NUP155: variants seen among roughly 807,000 people sequenced by gnomAD.
NUP155 encodes nuclear pore complex protein Nup155.
NUP155 carries 71 observed loss-of-function variants against 180.4 expected under a neutral mutation model. That is an observed-to-expected ratio of 0.39 (90% confidence interval 0.33 to 0.48). The LOEUF (loss-of-function observed/expected upper bound fraction) is 0.48. Among genes scored for constraint, NUP155 ranks in the 20% least tolerant of loss-of-function variants. The probability of loss-of-function intolerance (pLI) is 0.91; values close to 1 mark genes in which losing one functional copy is unlikely to be tolerated. For missense variants in NUP155, 1,553 were observed against 1,648.9 expected (o/e 0.94, Z 1.01); for synonymous variants, 582 against 559.5 (o/e 1.04, Z -0.57).
intron 20 of NUP155, among the ~76,000 whole-genome samples, chr5:37,321,477 G>A (rs2150958287): frequency 6.6e-6 from 1 of 152,322 alleles, no homozygotes; most frequent in South Asian, 2.1e-4. Context: ...CCAGCACTTT[G>A]GGAGGCTGAG....
intron 4 of NUP155, among the ~76,000 whole-genome samples, chr5:37,357,003 A>G (rs543988602): frequency 1.3e-5 from 2 of 152,258 alleles, no homozygotes; most frequent in Admixed American, 1.3e-4. Flanking sequence ...GCTACTTGGA[A>G]GGCTGAGGCA....
intron 16 of NUP155, 89 bp downstream of exon 16, chr5:37,329,101 T>C: frequency 2.2e-6 from 2 of 889,902 alleles, no homozygotes; most frequent in South Asian, 1.4e-5. Context: ...AAATAAAACA[T>C]AATGAAAAGG....
Position 37,290,661 on chromosome 5 carries a change from T to C in NUP155, c.*1239A>G, listed in dbSNP as rs1473322040. 6.6e-6 allele frequency: 1 copy of C among 152,124 alleles called. No homozygotes were observed. Among genetic ancestry groups the C allele is most frequent in the Non-Finnish European group, 1.5e-5 (1 of 68,032 alleles). 9.4% of individuals were successfully genotyped at this position (152,124 alleles called of 1,614,324 possible). A position where few individuals can be genotyped will look rare whatever the true frequency, so the allele number is the denominator to read the frequency against. The stretch of plus-strand genomic sequence containing the variant: ...ATATATTGTGTGCCTTGGGCAAAAT[T>C]TGTGTGTGTGGTTATTCACAGAGGA... On this transcript the variant is annotated 3_prime_UTR_variant, in exon 35 of 35. Transcript: ENST00000231498.
chr5:37,314,429 TC>T (rs1213565278), intron 21 of NUP155, 101 bp from the exon 22 acceptor site: 5 of 880,420 alleles, frequency 5.7e-6, no homozygotes, highest in Non-Finnish European at 9.0e-6. Context: ...GTTGTTTTCT[TC>T]CTAGCCCCCA....
intron 1 of NUP155, among the ~76,000 whole-genome samples, chr5:37,367,555 C>T (rs1397303157): frequency 1.4e-5 from 2 of 144,830 alleles, no homozygotes; most frequent in Non-Finnish European, 3.0e-5. Flanking sequence ...TTTTTTGAGA[C>T]GGAGTCTCAC....
intron 3 of NUP155, among the ~76,000 whole-genome samples, chr5:37,361,407 GAAAA>G (rs894475417): frequency 4.6e-5 from 7 of 151,618 alleles, no homozygotes; most frequent in Admixed American, 3.9e-4. Context: ...ACAAGAAGCA[GAAAA>G]AATACCACGA....
intron 2 of NUP155, 66 bp from the exon 3 acceptor site, chr5:37,364,050 C>T: frequency 7.6e-7 from 1 of 1,312,374 alleles, no homozygotes; most frequent in African/African-American, 1.4e-5. Context: ...GTTTCAATAG[C>T]TTTTGACTTA....
chr5:37,309,271 G>A lies in NUP155; in HGVS notation c.2629-4C>T. 1.2e-6 allele frequency: 1 copy of A among 819,888 alleles called. No homozygotes were observed. The highest frequency in any genetic ancestry group is 2.6e-5 in the South Asian group (1 of 38,236). 50.8% of individuals were successfully genotyped at this position (819,888 alleles called of 1,614,324 possible). A position where few individuals can be genotyped will look rare whatever the true frequency, so the allele number is the denominator to read the frequency against. The stretch of plus-strand genomic sequence containing the variant: ...AACGCTGGAGAAGCTCATTTGCCTA[G>A]AAGAGGAGATAACAAGAACTTAAAA... On this transcript the variant is annotated splice_region_variant and splice_polypyrimidine_tract_variant and intron_variant, in intron 23 of 34. Transcript: ENST00000231498.
chr5:37,361,285 A>C (rs10059583), intron 3 of NUP155, among the ~76,000 whole-genome samples: 3 of 141,470 alleles, frequency 2.1e-5, no homozygotes, highest in African/African-American at 3.0e-5. Context: ...AAAAAAAAAA[A>C]GACAATGGCT....
At chr5:37,317,864 A>T in intron 21 of NUP155, 124 bp downstream of exon 21, 1 of 745,492 alleles carries the variant, frequency 1.3e-6, no homozygotes, top group Non-Finnish European at 2.4e-6. Flanking sequence ...AATTACACTG[A>T]TATTTTAATT....
At chr5:37,296,051 G>A (rs1742541482) in intron 32 of NUP155, among the ~76,000 whole-genome samples, 1 of 145,968 alleles carries the variant, frequency 6.9e-6, no homozygotes, top group Non-Finnish European at 1.5e-5. Flanking sequence ...CGGGAGGGAG[G>A]TGGGGGGGTC....
At chr5:37,353,462 G>A (rs1364885243) in intron 4 of NUP155, among the ~76,000 whole-genome samples, 2 of 151,908 alleles carry the variant, frequency 1.3e-5, no homozygotes, top group African/African-American at 4.8e-5. Context: ...CGTGCCTGTA[G>A]TACCAGCTAC....
intron 1 of NUP155, among the ~76,000 whole-genome samples, chr5:37,369,051 G>A (rs1474444327): frequency 1.3e-5 from 2 of 152,158 alleles, no homozygotes; most frequent in African/African-American, 4.8e-5. Context: ...CCAGGAATTT[G>A]AGACCAGCCT....
chr5:37,348,086 A>G (rs1291690300), intron 9 of NUP155, among the ~76,000 whole-genome samples: 2 of 152,114 alleles, frequency 1.3e-5, no homozygotes, highest in East Asian at 3.9e-4. Context: ...GTGAGCAGAG[A>G]TAGCACCACT....
At position 37,354,570 on chromosome 5, in the gene NUP155, C is replaced by T. The variant is rs540877717; in HGVS notation, c.464-1741G>A. On this transcript the variant is annotated intron_variant, in intron 4 of 34. Transcript: ENST00000231498. ...TCCTCCTATGCTCAAGCGATCCTCCCGCTTCAGCCTCATGAATAGCTGGGA... is the reference window on the plus strand; with the variant it reads ...TCCTCCTATGCTCAAGCGATCCTCCTGCTTCAGCCTCATGAATAGCTGGGA... Among the ~76,000 whole-genome samples the T allele has an allele frequency of 6.6e-5, 10 of 151,424 alleles. No homozygotes were observed. In the East Asian group the frequency reaches 7.9e-4, roughly 12 times the overall value.
chr5:37,348,851 G>T (rs755880370), intron 8 of NUP155, among the ~76,000 whole-genome samples: 9 of 151,952 alleles, frequency 5.9e-5, no homozygotes, highest in Non-Finnish European at 1.2e-4. Context: ...CGCCGCCCAG[G>T]TTCAAATGAT....
In NUP155 at chr5:37,309,226, C is replaced by G. The variant is rs963265696; in HGVS notation, c.2670G>C (p.Lys890Asn). Reference sequence around the variant, plus strand: ...CCCTTAACATTCTTTCTTTTTCAGTCTTATTTTGAACTTGTCGGGAACGCT... The same window carrying G: ...CCCTTAACATTCTTTCTTTTTCAGTGTTATTTTGAACTTGTCGGGAACGCT... ...LLQRSRQVQN[K>N]TEKERMLRES... is the part of the protein sequence containing the mutation. Residue 890 changes from lysine to asparagine, a missense_variant, in exon 24 of 35, where the codon AAG becomes AAC. Transcript: ENST00000231498. The G allele has an allele frequency of 1.2e-6, 2 of 1,613,248 alleles. No individual in the cohort carries two copies. Among genetic ancestry groups the G allele is most frequent in the Non-Finnish European group, 1.7e-6 (2 of 1,179,798 alleles).
rs572918701 is a variant in NUP155, at chr5:37,309,613, A to C, written c.2629-346T>G. Reference sequence around the variant, plus strand: ...AATAAAAATGCCCCCATTAACTCTAATTCACTAAAAGATTTACTTGAAGTT... The same window carrying C: ...AATAAAAATGCCCCCATTAACTCTACTTCACTAAAAGATTTACTTGAAGTT... On this transcript the variant is annotated intron_variant, in intron 23 of 34. Coordinates refer to ENST00000231498, the MANE Select transcript of NUP155 (RefSeq NM_153485.3). 140 of 216,182 alleles carry C rather than the reference A, an allele frequency of 6.5e-4. 3 individuals carry two copies. The South Asian group carries it at 0.012, about 18-fold the overall frequency. 13.4% of individuals were successfully genotyped at this position (216,182 alleles called of 1,614,324 possible). A position where few individuals can be genotyped will look rare whatever the true frequency, so the allele number is the denominator to read the frequency against.
intron 18 of NUP155, among the ~76,000 whole-genome samples, chr5:37,327,372 C>T (rs1744670493): frequency 6.6e-6 from 1 of 152,124 alleles, no homozygotes; most frequent in Non-Finnish European, 1.5e-5. Context: ...TTGGCATCCC[C>T]TAACCCCTGT....
Sources: gnomAD v4.1 joint callset for allele counts (sites outside exome capture counted in the v4.1 genomes callset) on GRCh38, gnomAD v4.1.1 for gene constraint, MANE v1.5 for transcripts, NCBI Gene and HGNC (gene_info 2026-07-23, HGNC 2026-07-21) for gene names.